The following KAZN variants were observed in gnomAD, a reference collection of about 807,000 sequenced individuals.
KAZN encodes kazrin, periplakin interacting protein.
Under a neutral mutation model 87.4 loss-of-function variants are expected in KAZN, and 40 were observed. The observed-to-expected ratio is 0.46, with a 90% confidence interval of 0.36 to 0.60. The LOEUF (loss-of-function observed/expected upper bound fraction) is 0.60. KAZN is among the 20% of genes least tolerant of loss of function. The probability of loss-of-function intolerance (pLI) is 0.00; values close to 1 mark genes in which losing one functional copy is unlikely to be tolerated. For synonymous variants in KAZN, 466 were observed against 458.3 expected (o/e 1.02, Z -0.22); for missense variants, 898 against 1,073.9 (o/e 0.84, Z 2.29).
chr1:14,927,474 T>C (rs1462846923), intron 1 of KAZN, among the ~76,000 whole-genome samples: 1 of 152,070 alleles, frequency 6.6e-6, no homozygotes, highest in Non-Finnish European at 1.5e-5. Context: ...GGGGAGGGGT[T>C]AGAATGATGG....
chr1:14,879,760 T>TC (rs1187102889), intron 1 of KAZN, among the ~76,000 whole-genome samples: 7 of 152,094 alleles, frequency 4.6e-5, no homozygotes, highest in South Asian at 2.1e-4. Context: ...ATGTAGACCG[T>TC]CCCCCACAGC....
At chr1:14,044,879 G>A (rs538201687) in intron 1 of KAZN, among the ~76,000 whole-genome samples, 2 of 152,204 alleles carry the variant, frequency 1.3e-5, no homozygotes, top group Non-Finnish European at 2.9e-5. Flanking sequence ...AGATTTCTGA[G>A]GCTAAGTCAG....
chr1:14,104,317 C>G (rs930386301), intron 1 of KAZN, among the ~76,000 whole-genome samples: 4 of 152,314 alleles, frequency 2.6e-5, no homozygotes, highest in African/African-American at 9.6e-5. Context: ...ATCCCCCATG[C>G]AAGCAGTGCA....
intron 2 of KAZN, among the ~76,000 whole-genome samples, chr1:14,552,020 C>T (rs1047932758): frequency 6.6e-6 from 1 of 151,844 alleles, no homozygotes; most frequent in African/African-American, 2.4e-5. Flanking sequence ...TTTCTTAATG[C>T]TATCAATATG....
rs1361066792 is a variant in KAZN at position 15,056,857 on chromosome 1, A to G, written c.916+577A>G. Among the ~76,000 whole-genome samples, 4 of 152,250 alleles carry G rather than the reference A, an allele frequency of 2.6e-5. No homozygotes were observed. The highest frequency in any genetic ancestry group is 4.8e-5 in the African/African-American group (2 of 41,466). On this transcript the variant is annotated intron_variant, in intron 5 of 14. Transcript: ENST00000376030. This position sits in a 1 kb window ranked among gnomAD's most constrained non-coding sequence, Gnocchi z 5.4. ...TGGACAGCATCTGCACCTACTGCCC[A>G]TGGAACAGGCTCCAAACTTCTCGCT...
At chr1:14,502,399 C>T (rs934693439) in intron 2 of KAZN, among the ~76,000 whole-genome samples, 3 of 152,144 alleles carry the variant, frequency 2.0e-5, no homozygotes, top group Non-Finnish European at 4.4e-5. Flanking sequence ...CTGGTCCTTG[C>T]CCTCAGACAA....
intron 2 of KAZN, among the ~76,000 whole-genome samples, chr1:14,193,466 C>CAG (rs555416659): frequency 4.6e-5 from 7 of 152,110 alleles, no homozygotes; most frequent in Non-Finnish European, 7.4e-5. Context: ...TGGCCTGGAA[C>CAG]AGAGGCTCCC....
At chr1:14,718,462 A>G (rs930815827) in intron 1 of KAZN, among the ~76,000 whole-genome samples, 4 of 152,222 alleles carry the variant, frequency 2.6e-5, no homozygotes. Context: ...GCATATCACA[A>G]TATCCTTTTT....
At chr1:14,468,849 G>A (rs901513114) in intron 2 of KAZN, among the ~76,000 whole-genome samples, 7 of 152,198 alleles carry the variant, frequency 4.6e-5, no homozygotes, top group Admixed American at 3.3e-4. Context: ...AGATGGTCTC[G>A]CCTTGGTGAT....
chr1:15,067,371 G>A (rs1422087783), intron 8 of KAZN: 1 of 985,504 alleles, frequency 1.0e-6, no homozygotes, highest in Non-Finnish European at 1.2e-6. Flanking sequence ...TATATGGGGG[G>A]TGGCGTTGGC....
In KAZN at chr1:15,056,367, G is replaced by A. The variant is rs944871938; in HGVS notation, c.916+87G>A. 7.4e-7 allele frequency: 1 copy of A among 1,355,814 alleles called. No individual in the cohort carries two copies. The highest frequency in any genetic ancestry group is 1.4e-5 in the African/African-American group (1 of 69,052). 84.0% of individuals were successfully genotyped at this position (1,355,814 alleles called of 1,614,324 possible). ...ACCCAGTGGGAGAGGCAGCTGCTTT[G>A]TTCGTACTACAGCAGCTTGGGGGCG... On this transcript the variant is annotated intron_variant, in intron 5 of 14. Coordinates refer to ENST00000376030, the MANE Select transcript of KAZN (RefSeq NM_201628.3). The surrounding 1 kb of genome is among the most constrained non-coding windows in gnomAD (Gnocchi z 5.4).
intron 2 of KAZN, among the ~76,000 whole-genome samples, chr1:14,287,339 A>T (rs932483093): frequency 2.6e-5 from 4 of 152,114 alleles, no homozygotes; most frequent in African/African-American, 9.7e-5. Flanking sequence ...CACTATTCTG[A>T]CCAGTGAGGC....
At chr1:13,904,484 G>A (rs189631476) in intron 1 of KAZN, among the ~76,000 whole-genome samples, 48 of 152,324 alleles carry the variant, frequency 3.2e-4, no homozygotes, top group Admixed American at 5.2e-4. Context: ...AGCCTCCACA[G>A]CTGGGTCTCT....
chr1:14,458,741 C>A (rs928189468), intron 2 of KAZN, among the ~76,000 whole-genome samples: 3 of 152,134 alleles, frequency 2.0e-5, no homozygotes, highest in African/African-American at 7.2e-5. Context: ...GCAGACACTT[C>A]ATTTAAATTT....
At chr1:13,903,830 C>G (rs917058730) in intron 1 of KAZN, among the ~76,000 whole-genome samples, 1 of 152,076 alleles carries the variant, frequency 6.6e-6, no homozygotes, top group Non-Finnish European at 1.5e-5. Context: ...GTGCTCTTAG[C>G]TACTTGAAAA....
At chr1:14,868,924 CG>C (rs1306039573) in intron 1 of KAZN, among the ~76,000 whole-genome samples, 1 of 151,990 alleles carries the variant, frequency 6.6e-6, no homozygotes, top group South Asian at 2.1e-4. Flanking sequence ...TCGGGGTTGG[CG>C]GGGGGGTGCA....
chr1:14,628,522 G>A (rs1435269003), intron 1 of KAZN, among the ~76,000 whole-genome samples: 1 of 152,216 alleles, frequency 6.6e-6, no homozygotes, highest in Admixed American at 6.5e-5. Flanking sequence ...TGCTTCAAAT[G>A]TCAAAAGAGT....
intron 1 of KAZN, among the ~76,000 whole-genome samples, chr1:13,940,475 A>G (rs191871018): frequency 1.3e-5 from 2 of 152,282 alleles, no homozygotes; most frequent in Admixed American, 1.3e-4. Context: ...CTGTGGTGTC[A>G]GTTGTAATGC....
intron 1 of KAZN, among the ~76,000 whole-genome samples, chr1:14,751,884 C>A (rs1259157919): frequency 6.6e-6 from 1 of 152,180 alleles, no homozygotes; most frequent in African/African-American, 2.4e-5. Context: ...GATGGTGTCT[C>A]AGTCTGTTTT....
Sources: allele counts gnomAD v4.1 joint callset (sites outside exome capture counted in the v4.1 genomes callset), GRCh38; gene constraint gnomAD v4.1.1; non-coding constraint Gnocchi (gnomAD v3.1); transcripts MANE v1.5; gene names NCBI Gene and HGNC (gene_info 2026-07-23, HGNC 2026-07-21).